KBTBD2: variants seen among roughly 807,000 people sequenced by gnomAD.
KBTBD2 encodes kelch repeat and BTB domain containing 2, also known as kelch repeat and BTB domain-containing protein 2.
A neutral mutation model predicts 57.1 loss-of-function variants in KBTBD2; 17 were observed. The ratio of observed to expected loss-of-function variants is 0.30; its 90% CI spans 0.20 to 0.45. KBTBD2 has a LOEUF of 0.45. KBTBD2 is among the 20% of genes least tolerant of loss of function. The pLI is 1.00. For synonymous variants in KBTBD2, 267 were observed against 262.7 expected (o/e 1.02, Z -0.16); for missense variants, 515 against 750.6 (o/e 0.69, Z 3.67).
In KBTBD2 at chr7:32,876,856, C is replaced by G. The variant is rs1784324614; in HGVS notation, c.171-1699G>C. The stretch of plus-strand genomic sequence containing the variant: ...CCTGTAATCCCAACTACTCAGGAGG[C>G]TGAGGCAGGAAAATCACTTGAACCC... On this transcript the variant is annotated intron_variant, in intron 2 of 3. Transcript: ENST00000304056. Among the ~76,000 whole-genome samples the G allele has an allele frequency of 1.3e-5, 2 of 152,018 alleles. 1 individual carries two copies.
intron 1 of KBTBD2, among the ~76,000 whole-genome samples, chr7:32,885,707 T>G (rs79654575): frequency 6.6e-6 from 1 of 152,122 alleles, no homozygotes; most frequent in Non-Finnish European, 1.5e-5. Flanking sequence ...ATTGGAGTCA[T>G]GCAAACACAA....
rs1040483446 is a variant in KBTBD2, at chr7:32,870,573, G to C, written c.644C>G (p.Ser215Cys). The change falls in exon 4 of 4, where the codon TCT becomes TGT. Residue 215 changes from serine to cysteine, a missense_variant. Coordinates refer to ENST00000304056, the MANE Select transcript of KBTBD2 (RefSeq NM_015483.3). ...ATCAATTCTGATTTGGCTAAGAACA[G>C]AAGACAAATACTGGGATCGTGATTC... ...NTESRSQYLS[S>C]VLSQIRIDAL... is the part of the protein sequence containing the mutation. 4 of 1,614,144 alleles carry C rather than the reference G, an allele frequency of 2.5e-6. No individual in the cohort carries two copies. Among genetic ancestry groups the C allele is most frequent in the Non-Finnish European group, 3.4e-6 (4 of 1,180,020 alleles).
chr7:32,879,719 T>C lies in KBTBD2; in HGVS notation c.-115A>G. The C allele has an allele frequency of 1.3e-6, 1 of 783,308 alleles. No homozygotes were observed. Among genetic ancestry groups the C allele is most frequent in the Non-Finnish European group, 2.1e-6 (1 of 475,794 alleles). The allele number at this position is 783,308 out of a possible 1,614,324, so 48.5% of individuals were successfully genotyped here. On this transcript the variant is annotated 5_prime_UTR_variant, in exon 2 of 4. The change abolishes an upstream ATG in the 5' untranslated region. Coordinates refer to ENST00000304056, the MANE Select transcript of KBTBD2 (RefSeq NM_015483.3). ...AACCTACTTGCTGTTATCTGCAGCA[T>C]TCAGTACCAAGACTGACACATTCAC...
intron 1 of KBTBD2, among the ~76,000 whole-genome samples, chr7:32,881,537 T>C (rs1784444675): frequency 6.6e-6 from 1 of 152,178 alleles, no homozygotes; most frequent in Admixed American, 6.5e-5. Context: ...TGACAAACTA[T>C]ACTATTACAG....
intron 3 of KBTBD2, 95 bp from the exon 4 acceptor site, chr7:32,870,975 T>A (rs1263849188): frequency 1.5e-6 from 1 of 687,696 alleles, no homozygotes; most frequent in African/African-American, 1.8e-5. Context: ...CAGATGCCCA[T>A]AGTGTAATTT....
intron 3 of KBTBD2, among the ~76,000 whole-genome samples, chr7:32,872,572 G>A (rs768874548): frequency 5.8e-4 from 89 of 152,248 alleles, no homozygotes; most frequent in Admixed American, 1.5e-3. Flanking sequence ...CAGCTACTCA[G>A]GAGGCTAAGG....
Position 32,879,839 on chromosome 7 carries a change from C to T in KBTBD2, c.-235G>A. ...AGAGTTTTTCAACACAGTCTGCAGA[C>T]ATTGTGCTCAAATCTGCAATTGTGC... On this transcript the variant is annotated 5_prime_UTR_variant, in exon 2 of 4. The change abolishes an upstream ATG in the 5' untranslated region. Transcript: ENST00000304056. 1 of 427,598 alleles carries T rather than the reference C, an allele frequency of 2.3e-6. No homozygotes were observed. Among genetic ancestry groups the T allele is most frequent in the Non-Finnish European group, 4.1e-6 (1 of 241,064 alleles). The allele number at this position is 427,598 out of a possible 1,614,324, so 26.5% of individuals were successfully genotyped here. A position where few individuals can be genotyped will look rare whatever the true frequency, so the allele number is the denominator to read the frequency against.
chr7:32,879,423 A>G lies in KBTBD2; in HGVS notation c.170+12T>C. On this transcript the variant is annotated intron_variant, in intron 2 of 3. Coordinates refer to ENST00000304056, the MANE Select transcript of KBTBD2 (RefSeq NM_015483.3). Reference sequence around the variant, plus strand: ...TCAAAGAATTTCTATTTAAAACATTAAAAGTACTTACCTGAAATAAGAGCT... The same window carrying G: ...TCAAAGAATTTCTATTTAAAACATTGAAAGTACTTACCTGAAATAAGAGCT... The G allele has an allele frequency of 6.5e-7, 1 of 1,548,478 alleles. No homozygotes were observed. Among genetic ancestry groups the G allele is most frequent in the Non-Finnish European group, 8.8e-7 (1 of 1,136,662 alleles).
chr7:32,878,590 AAAAACAAAAAC>A (rs1377317786), intron 2 of KBTBD2, among the ~76,000 whole-genome samples: 4 of 151,808 alleles, frequency 2.6e-5, no homozygotes, highest in African/African-American at 9.7e-5. Flanking sequence ...CTCAAAAAAA[AAAAACAAAAAC>A]AAAACAAAAC....
intron 3 of KBTBD2, among the ~76,000 whole-genome samples, chr7:32,874,357 G>T (rs571538579): frequency 6.6e-6 from 1 of 151,738 alleles, no homozygotes; most frequent in Non-Finnish European, 1.5e-5. Context: ...CTGAGATCGC[G>T]CCACTAGACT....
At chr7:32,889,043 T>G (rs969809614) in intron 1 of KBTBD2, among the ~76,000 whole-genome samples, 6 of 152,268 alleles carry the variant, frequency 3.9e-5, no homozygotes, top group African/African-American at 1.4e-4. Context: ...CCAGGCGCAA[T>G]GGCTCACACC....
At position 32,870,245 on chromosome 7, in the gene KBTBD2, T is replaced by C. The variant is rs772468425; in HGVS notation, c.972A>G (p.Gln324=). 10 of 1,614,078 alleles carry C rather than the reference T, an allele frequency of 6.2e-6. No homozygotes were observed. Among genetic ancestry groups the C allele is most frequent in the South Asian group, 3.3e-5 (3 of 91,094 alleles). ...PDNDIYIAGG[Q]VPLKNTKTNH... Reference sequence around the variant, plus strand: ...TTGTTTTTGTGTTTTTCAGAGGAACTTGACCCCCTGCTATGTAGATATCAT... The same window carrying C: ...TTGTTTTTGTGTTTTTCAGAGGAACCTGACCCCCTGCTATGTAGATATCAT... Residue 324 remains glutamine (Q), a synonymous_variant, in exon 4 of 4, where the codon CAA becomes CAG. Coordinates refer to ENST00000304056, the MANE Select transcript of KBTBD2 (RefSeq NM_015483.3).
chr7:32,881,983 A>G (rs1234443519), intron 1 of KBTBD2, among the ~76,000 whole-genome samples: 3 of 152,182 alleles, frequency 2.0e-5, no homozygotes, highest in Admixed American at 2.0e-4. Context: ...CAAACATATT[A>G]TCTTTGCTGA....
chr7:32,886,734 A>G (rs768414459), intron 1 of KBTBD2, among the ~76,000 whole-genome samples: 1 of 152,240 alleles, frequency 6.6e-6, no homozygotes, highest in South Asian at 2.1e-4. Flanking sequence ...ACTTCTCACT[A>G]TAAGCAGCAA....
At chr7:32,881,781 T>C (rs1784450100) in intron 1 of KBTBD2, among the ~76,000 whole-genome samples, 1 of 152,192 alleles carries the variant, frequency 6.6e-6, no homozygotes, top group Non-Finnish European at 1.5e-5. Flanking sequence ...CATAGTGTTG[T>C]TGAGGGTGTG....
chr7:32,869,401 C>A lies in KBTBD2; in HGVS notation c.1816G>T (p.Asp606Tyr). Residue 606 changes from aspartate to tyrosine, a missense_variant, in exon 4 of 4, where the codon GAT becomes TAT. By Grantham distance (160) the Asp-to-Tyr change is radical. Coordinates refer to ENST00000304056, the MANE Select transcript of KBTBD2 (RefSeq NM_015483.3). Reference protein sequence around the residue: ...WKPPTYLFSTDGTEEFELDGE... With the variant: ...WKPPTYLFSTYGTEEFELDGE... ...TCCAGTTCAAACTCTTCTGTCCCAT[C>A]CGTTGAAAAAAGATAAGTTGGTGGT... The A allele has an allele frequency of 6.2e-7, 1 of 1,614,006 alleles. No homozygotes were observed. The highest frequency in any genetic ancestry group is 1.3e-5 in the African/African-American group (1 of 75,022).
Position 32,879,600 on chromosome 7 carries a change from G to T in KBTBD2, c.5C>A (p.Ser2Tyr), listed in dbSNP as rs1456583098. 2 of 1,612,196 alleles carry T rather than the reference G, an allele frequency of 1.2e-6. No homozygotes were observed. The highest frequency in any genetic ancestry group is 1.7e-6 in the Non-Finnish European group (2 of 1,178,978). The change falls in exon 2 of 4, where the codon TCC becomes TAC. Residue 2 changes from serine to tyrosine, a missense_variant. Ser to Tyr is a moderately radical substitution (Grantham distance 144). Transcript: ENST00000304056. Reference protein sequence around the residue: MSTQDERQINTE... With the variant: MYTQDERQINTE... ...ATTGATCTGCCTCTCGTCTTGAGTG[G>T]ACATGACTGTATTCCATTAATATCT...
Position 32,885,909 on chromosome 7 carries a change from C to CAT in KBTBD2, c.-339+5626_-339+5627insAT, listed in dbSNP as rs370535199. On this transcript the variant is annotated intron_variant, in intron 1 of 3. Transcript: ENST00000304056. ...AATCCTCTCCTCCACTGTCTACACA[C>CAT]TTTTTTTTTTTTTTTTAAAGACAGA... 2.8e-5 allele frequency among the ~76,000 whole-genome samples: 4 copies of CAT among 141,600 alleles called. No homozygotes were observed. In the South Asian group the frequency reaches 8.9e-4, roughly 32 times the overall value. The allele number at this position is 141,600 out of a possible 152,430, so 92.9% of individuals were successfully genotyped here.
At chr7:32,878,359 T>G (rs983482983) in intron 2 of KBTBD2, among the ~76,000 whole-genome samples, 13 of 151,938 alleles carry the variant, frequency 8.6e-5, no homozygotes, top group Non-Finnish European at 1.5e-4. Flanking sequence ...GGCAGACGGA[T>G]CACAAGGTCA....
Sources: gnomAD v4.1 joint callset for allele counts (sites outside exome capture counted in the v4.1 genomes callset) on GRCh38, gnomAD v4.1.1 for gene constraint, MANE v1.5 for transcripts, NCBI Gene and HGNC (gene_info 2026-07-23, HGNC 2026-07-21) for gene names.